CSMD1: variants seen among roughly 807,000 people sequenced by gnomAD.
CSMD1 encodes CUB and sushi domain-containing protein 1.
Under a neutral mutation model 417.5 loss-of-function variants are expected in CSMD1, and 213 were observed. That is an observed-to-expected ratio of 0.51 (90% CI 0.46 to 0.57). CSMD1 has a LOEUF of 0.57. Ranked by LOEUF, CSMD1 falls within the 20% of genes least tolerant of loss-of-function variation. The pLI, the probability that CSMD1 is intolerant of heterozygous loss-of-function variation, is 0.00. For missense variants in CSMD1, 6,923 were observed against 4,529.7 expected, an observed-to-expected ratio of 1.53 and a Z score of -15.17; for synonymous variants, 2,862 against 1,736.8, an observed-to-expected ratio of 1.65 and a Z score of -16.11.
intron 3 of CSMD1, among the ~76,000 whole-genome samples, chr8:4,149,006 C>T (rs1401358717): frequency 1.3e-5 from 2 of 151,462 alleles, no homozygotes; most frequent in African/African-American, 4.9e-5. Flanking sequence ...TCTTGTTGCC[C>T]AGGCTGGAGT....
chr8:4,206,036 A>C (rs1028651419), intron 3 of CSMD1, among the ~76,000 whole-genome samples: 1 of 152,078 alleles, frequency 6.6e-6, no homozygotes, highest in Non-Finnish European at 1.5e-5. Context: ...CTCCCCATCC[A>C]TGCCATAAAT....
At chr8:3,937,206 A>T (rs1033560622) in intron 5 of CSMD1, among the ~76,000 whole-genome samples, 1 of 152,216 alleles carries the variant, frequency 6.6e-6, no homozygotes, top group African/African-American at 2.4e-5. Flanking sequence ...TGTTGAAATG[A>T]CAACAAAAGA....
At chr8:3,957,363 C>G (rs1201851810) in intron 5 of CSMD1, among the ~76,000 whole-genome samples, 1 of 152,060 alleles carries the variant, frequency 6.6e-6, no homozygotes, top group African/African-American at 2.4e-5. Flanking sequence ...TGCTAGGCAC[C>G]AAGGCAGGTG....
At chr8:2,974,214 G>C (rs1347187299) in intron 56 of CSMD1, among the ~76,000 whole-genome samples, 2 of 152,340 alleles carry the variant, frequency 1.3e-5, no homozygotes, top group South Asian at 2.1e-4. Context: ...ATGAGATCCA[G>C]ACTCTCCTGA....
chr8:3,385,056 T>C (rs1187553065), intron 18 of CSMD1, among the ~76,000 whole-genome samples: 61 of 104,398 alleles, frequency 5.8e-4, no homozygotes, highest in African/African-American at 2.6e-3. Context: ...AAATATATAA[T>C]ATATAATATA....
intron 57 of CSMD1, among the ~76,000 whole-genome samples, chr8:2,971,449 T>C (rs916860144): frequency 6.6e-6 from 1 of 152,144 alleles, no homozygotes; most frequent in Non-Finnish European, 1.5e-5. Flanking sequence ...CCTAGGGTTT[T>C]GGGGGATGTT....
chr8:4,990,641 G>A (rs1018310165), intron 1 of CSMD1, among the ~76,000 whole-genome samples: 2 of 152,190 alleles, frequency 1.3e-5, no homozygotes, highest in Admixed American at 6.5e-5. Context: ...TTACAGGCAT[G>A]AGCCACAGCA....
chr8:3,548,166 G>C (rs6558791), intron 10 of CSMD1, among the ~76,000 whole-genome samples: 2 of 151,912 alleles, frequency 1.3e-5, no homozygotes, highest in Non-Finnish European at 2.9e-5. Context: ...CAATGTTATG[G>C]GGGGTTCCTG....
intron 1 of CSMD1, among the ~76,000 whole-genome samples, chr8:4,746,119 T>C (rs1201537091): frequency 6.6e-6 from 1 of 152,208 alleles, no homozygotes; most frequent in Non-Finnish European, 1.5e-5. Context: ...CCTCCTGCTG[T>C]TAAATTAAGC....
chr8:3,926,711 C>T (rs1161911026), intron 5 of CSMD1, among the ~76,000 whole-genome samples: 2 of 135,670 alleles, frequency 1.5e-5, no homozygotes, highest in Non-Finnish European at 1.5e-5. Flanking sequence ...GTTAAATTGA[C>T]ACCTTTTTTT....
intron 8 of CSMD1, among the ~76,000 whole-genome samples, chr8:3,612,488 C>T (rs1415824482): frequency 6.6e-6 from 1 of 152,108 alleles, no homozygotes. Context: ...CTTCACCCAA[C>T]AACACTAAAA....
At chr8:4,298,865 T>C (rs1563411819) in intron 3 of CSMD1, among the ~76,000 whole-genome samples, 1 of 152,072 alleles carries the variant, frequency 6.6e-6, no homozygotes, top group Non-Finnish European at 1.5e-5. Context: ...CTGGTATAAT[T>C]CTTTAATTAG....
chr8:3,005,081 G>C (rs1229508696), intron 52 of CSMD1, among the ~76,000 whole-genome samples: 1 of 152,200 alleles, frequency 6.6e-6, no homozygotes, highest in Non-Finnish European at 1.5e-5. Flanking sequence ...AGAGGTTGCA[G>C]TGAGCCGAGA....
At chr8:4,346,827 G>A (rs1800802410) in intron 3 of CSMD1, among the ~76,000 whole-genome samples, 1 of 152,136 alleles carries the variant, frequency 6.6e-6, no homozygotes, top group Non-Finnish European at 1.5e-5. Context: ...AAATCCAAGG[G>A]GATTGAGACT....
chr8:4,680,975 T>TGAGA lies in CSMD1; in HGVS notation c.86-43421_86-43418dup, dbSNP rs59872965. On this transcript the variant is annotated intron_variant, in intron 1 of 69. Coordinates refer to ENST00000635120, the MANE Select transcript of CSMD1 (RefSeq NM_033225.6). Reference sequence around the variant, plus strand: ...ATGTGTGTGTGTGTGTGTGTGTGTGTGAGAGAGAGAGAGAGAGAGAGAGAG... The same window carrying TGAGA: ...ATGTGTGTGTGTGTGTGTGTGTGTGTGAGAGAGAGAGAGAGAGAGAGAGAGAGAG... Among the ~76,000 whole-genome samples, 448 of 136,738 alleles carry TGAGA rather than the reference T, an allele frequency of 3.3e-3. 4 individuals are homozygous for TGAGA. The highest frequency in any genetic ancestry group is 7.4e-3 in the African/African-American group (267 of 36,020). 89.7% of individuals were successfully genotyped at this position (136,738 alleles called of 152,430 possible).
At chr8:3,404,195 G>A (rs572140006) in intron 15 of CSMD1, among the ~76,000 whole-genome samples, 146 of 152,208 alleles carry the variant, frequency 9.6e-4, no homozygotes, top group African/African-American at 2.8e-3. Context: ...TTAGCCAGGC[G>A]TGGTGGCAGG....
chr8:3,897,846 T>C (rs897402616), intron 5 of CSMD1, among the ~76,000 whole-genome samples: 4 of 152,214 alleles, frequency 2.6e-5, no homozygotes, highest in Non-Finnish European at 5.9e-5. Flanking sequence ...CCTGAGGATA[T>C]TAAAGTGCTG....
intron 12 of CSMD1, among the ~76,000 whole-genome samples, chr8:3,456,334 C>T (rs916357351): frequency 2.9e-5 from 3 of 103,700 alleles, no homozygotes; most frequent in African/African-American, 8.2e-5. Flanking sequence ...TCCCCAGTGA[C>T]ATGAACGAGG....
intron 9 of CSMD1, among the ~76,000 whole-genome samples, chr8:3,580,185 G>C (rs1387720470): frequency 6.6e-6 from 1 of 152,158 alleles, no homozygotes; most frequent in East Asian, 1.9e-4. Context: ...GTATGGCGGA[G>C]AGAGAACAAA....
Sources: allele counts gnomAD v4.1 joint callset (sites outside exome capture counted in the v4.1 genomes callset), GRCh38; gene constraint gnomAD v4.1.1; transcripts MANE v1.5; gene names NCBI Gene and HGNC (gene_info 2026-07-23, HGNC 2026-07-21).